ACE: variants seen among roughly 807,000 people sequenced by gnomAD.
ACE encodes angiotensin I converting enzyme, also known as angiotensin-converting enzyme.
In ACE, 122 loss-of-function variants were observed where a neutral mutation model predicts 162.3. That is an observed-to-expected ratio of 0.75 (90% CI 0.65 to 0.87). The LOEUF is 0.87. Ranked by LOEUF, ACE falls within the 40% of genes least tolerant of loss-of-function variation. The probability of loss-of-function intolerance (pLI) is 0.00; values close to 1 mark genes in which losing one functional copy is unlikely to be tolerated. For synonymous variants in ACE, 796 were observed against 720.6 expected, an observed-to-expected ratio of 1.10 and a Z score of -1.68; for missense variants, 1,799 against 1,735.1, an observed-to-expected ratio of 1.04 and a Z score of -0.65.
chr17:63,485,448 G>T, intron 13 of ACE, 76 bp downstream of exon 13: 2 of 1,586,686 alleles, frequency 1.3e-6, no homozygotes, highest in Non-Finnish European at 8.6e-7. Context: ...ACCACACAGT[G>T]GGGCTGCCAC....
chr17:63,478,634 G>C (rs541233872), intron 2 of ACE: 41 of 370,116 alleles, frequency 1.1e-4, no homozygotes, highest in South Asian at 8.9e-4. Flanking sequence ...CTGCACCCCA[G>C]CCTGCGTGAC....
Position 63,497,409 on chromosome 17 carries a change from G to A in ACE, c.*43G>A. 1.2e-5 allele frequency: 18 copies of A among 1,513,694 alleles called. No homozygotes were observed. The highest frequency in any genetic ancestry group is 1.6e-5 in the Non-Finnish European group (18 of 1,117,796). The allele number at this position is 1,513,694 out of a possible 1,614,324, so 93.8% of individuals were successfully genotyped here. Reference sequence around the variant, plus strand: ...GGCCCTGCCCAAGGGCCTCCCACCAGAGACTGGGATGGGAACACTGGTGGG... The same window carrying A: ...GGCCCTGCCCAAGGGCCTCCCACCAAAGACTGGGATGGGAACACTGGTGGG... On this transcript the variant is annotated 3_prime_UTR_variant, in exon 25 of 25. Transcript: ENST00000290866.
chr17:63,485,687 A>G (rs1351371487), intron 13 of ACE: 3 of 369,404 alleles, frequency 8.1e-6, no homozygotes, highest in Non-Finnish European at 1.6e-5. Flanking sequence ...AGGCAGGAGA[A>G]TGGCATGAAC....
intron 22 of ACE, 146 bp downstream of exon 22, chr17:63,494,616 TCA>T: frequency 1.4e-6 from 1 of 720,520 alleles, no homozygotes. Context: ...CTGGGCCCAC[TCA>T]CACTGCCAAG....
chr17:63,493,441 A>G lies in ACE; in HGVS notation c.2918A>G (p.Lys973Arg). 1 of 1,613,976 alleles carries G rather than the reference A, an allele frequency of 6.2e-7. No individual in the cohort carries two copies. Among genetic ancestry groups the G allele is most frequent in the Non-Finnish European group, 8.5e-7 (1 of 1,179,960 alleles). The change falls in exon 20 of 25, where the codon AAG becomes AGG. Residue 973 changes from lysine to arginine, a missense_variant. Physicochemically the swap from Lys to Arg is conservative, Grantham distance 26. Transcript: ENST00000290866. ...DFYNGKDFRI[K>R]QCTTVNLEDL... is the part of the protein sequence containing the mutation. ...CCCCACTCCACTATTCCTAGGATCA[A>G]GCAGTGCACCACCGTGAACTTGGAG...
Position 63,477,126 on chromosome 17 carries a change from GGCTGCTGCTGCCGCTGCCGCTGCTGTT to G in ACE, c.41_67del (p.Leu14_Leu22del), listed in dbSNP as rs1190879686. The G allele has an allele frequency of 1.1e-5, 16 of 1,402,100 alleles. No homozygotes were observed. The highest frequency in any genetic ancestry group is 1.5e-5 in the Non-Finnish European group (16 of 1,079,008). 86.9% of individuals were successfully genotyped at this position (1,402,100 alleles called of 1,614,324 possible). A position where few individuals can be genotyped will look rare whatever the true frequency, so the allele number is the denominator to read the frequency against. On this transcript the variant is annotated inframe_deletion, in exon 1 of 25. Transcript: ENST00000290866. The stretch of plus-strand genomic sequence containing the variant: ...GCCGCCTCGGGCCGCCGGGGGCCGG[GGCTGCTGCTGCCGCTGCCGCTGCTGTT>G]GCTGCTGCCGCCGCAGCCCGCCCTG...
chr17:63,488,530 A>C, intron 15 of ACE, 118 bp from the exon 16 acceptor site: 1 of 1,084,774 alleles, frequency 9.2e-7, no homozygotes, highest in Non-Finnish European at 1.4e-6. Flanking sequence ...CCTGCTGCCT[A>C]TACAGTCACT....
intron 6 of ACE, 130 bp downstream of exon 6, chr17:63,481,318 G>C: frequency 1.0e-6 from 1 of 956,576 alleles, no homozygotes. Flanking sequence ...TGTAGGAGCA[G>C]TGAGCTGGGG....
rs2029863925 is a variant in ACE, at chr17:63,484,708, G to A, written c.1921+167G>A. ...TCAGCAGGGCCTGCGAGTGGGGACA[G>A]GCATGTCTTTCCCCCAGCATCCTAG... On this transcript the variant is annotated intron_variant, in intron 12 of 24. Coordinates refer to ENST00000290866, the MANE Select transcript of ACE (RefSeq NM_000789.4). The surrounding 1 kb of genome is among the most constrained non-coding windows in gnomAD (Gnocchi z 4.0). The A allele has an allele frequency of 2.8e-6, 4 of 1,452,024 alleles. No individual in the cohort carries two copies. Among genetic ancestry groups the A allele is most frequent in the Non-Finnish European group, 3.6e-6 (4 of 1,105,426 alleles). 89.9% of individuals were successfully genotyped at this position (1,452,024 alleles called of 1,614,324 possible). A position where few individuals can be genotyped will look rare whatever the true frequency, so the allele number is the denominator to read the frequency against.
intron 14 of ACE, 77 bp downstream of exon 14, chr17:63,486,792 C>T (rs755605000): frequency 1.4e-5 from 22 of 1,578,826 alleles, no homozygotes; most frequent in African/African-American, 2.7e-5. Flanking sequence ...CTGGCCTTCA[C>T]GCTGCTTCCT....
In ACE at chr17:63,482,688, G is replaced by T. The variant is rs34241302; in HGVS notation, c.1341G>T (p.Thr447=). The T allele has an allele frequency of 1.2e-6, 2 of 1,613,362 alleles. No individual in the cohort carries two copies. The highest frequency in any genetic ancestry group is 3.3e-5 in the Admixed American group (2 of 60,000). ...TGCTGGACCGTGTCACCAATGACAC[G>T]GGTATGGGAGGGCTGAGAGGCCCCC... ...IGLLDRVTND[T]ESDINYLLKM... Residue 447 remains threonine (T), a splice_region_variant and synonymous_variant, in exon 8 of 25, where the codon ACG becomes ACT. Transcript: ENST00000290866.
chr17:63,494,156 G>A (rs1388965104), intron 21 of ACE, 90 bp downstream of exon 21: 6 of 1,067,668 alleles, frequency 5.6e-6, no homozygotes, highest in Non-Finnish European at 7.9e-6. Context: ...GGGTAGGGGA[G>A]TGTGTGTGTG....
chr17:63,497,480 C>A lies in ACE; in HGVS notation c.*114C>A. 1 of 933,004 alleles carries A rather than the reference C, an allele frequency of 1.1e-6. No homozygotes were observed. The highest frequency in any genetic ancestry group is 1.7e-6 in the Non-Finnish European group (1 of 596,636). The allele number at this position is 933,004 out of a possible 1,614,324, so 57.8% of individuals were successfully genotyped here. The stretch of plus-strand genomic sequence containing the variant: ...ACCCCAGCCCACCCTGCTCCTCCTG[C>A]CCTGTCCCTGTCCCCCTCCCCTCCC... On this transcript the variant is annotated 3_prime_UTR_variant, in exon 25 of 25. Coordinates refer to ENST00000290866, the MANE Select transcript of ACE (RefSeq NM_000789.4).
At position 63,493,555 on chromosome 17, in the gene ACE, A is replaced by G; in HGVS notation, c.3032A>G (p.Asn1011Ser). ...CCTGTGGCCTTGAGGGAGGGTGCCA[A>G]CCCCGGCTTCCATGAGGCCATTGGG... Reference protein sequence around the residue: ...DLPVALREGANPGFHEAIGDV... With the variant: ...DLPVALREGASPGFHEAIGDV... The change falls in exon 20 of 25, where the codon AAC becomes AGC. Residue 1011 changes from asparagine to serine, a missense_variant. By Grantham distance (46) the Asn-to-Ser change is conservative (BLOSUM62 1). Transcript: ENST00000290866. The G allele has an allele frequency of 6.2e-7, 1 of 1,613,956 alleles. No individual in the cohort carries two copies. Among genetic ancestry groups the G allele is most frequent in the Non-Finnish European group, 8.5e-7 (1 of 1,179,982 alleles).
At chr17:63,478,750 G>C in intron 2 of ACE, 1 of 563,580 alleles carries the variant, frequency 1.8e-6, no homozygotes, top group Non-Finnish European at 3.3e-6. Context: ...CTGCAGGGTG[G>C]TGCCAAGCTG....
At chr17:63,490,743 CCCCCA>C in intron 17 of ACE, 1 of 597,368 alleles carries the variant, frequency 1.7e-6, no homozygotes, top group Non-Finnish European at 3.1e-6. Flanking sequence ...ACCAGCAAGG[CCCCCA>C]CCTAGAGCCA....
Position 63,496,781 on chromosome 17 carries a change from G to A in ACE, c.3504-17G>A, listed in dbSNP as rs753498859. 2.5e-6 allele frequency: 4 copies of A among 1,610,506 alleles called. No homozygotes were observed. The highest frequency in any genetic ancestry group is 3.4e-6 in the Non-Finnish European group (4 of 1,179,946). Reference sequence around the variant, plus strand: ...CATGTCCTTCTGACTCTGCCTCCCTGTCTCATGCCTCCCCAGGACCGCCAT... The same window carrying A: ...CATGTCCTTCTGACTCTGCCTCCCTATCTCATGCCTCCCCAGGACCGCCAT... On this transcript the variant is annotated splice_polypyrimidine_tract_variant and intron_variant, in intron 23 of 24. Coordinates refer to ENST00000290866, the MANE Select transcript of ACE (RefSeq NM_000789.4).
chr17:63,477,770 G>A (rs1451745698), intron 1 of ACE, 161 bp from the exon 2 acceptor site: 1 of 804,890 alleles, frequency 1.2e-6, no homozygotes, highest in Non-Finnish European at 2.0e-6. Flanking sequence ...GAAGGAGGAA[G>A]CGCGGCTTCC....
chr17:63,480,913 T>C (rs2049696573), intron 5 of ACE, among the ~76,000 whole-genome samples, 178 bp from the exon 6 acceptor site: 1 of 152,202 alleles, frequency 6.6e-6, no homozygotes. Flanking sequence ...CCAGGACATG[T>C]GGCCCTCGGA....
Sources: gnomAD v4.1 joint callset for allele counts (sites outside exome capture counted in the v4.1 genomes callset) on GRCh38, gnomAD v4.1.1 for gene constraint, Gnocchi (gnomAD v3.1) non-coding constraint, MANE v1.5 for transcripts, NCBI Gene and HGNC (gene_info 2026-07-23, HGNC 2026-07-21) for gene names.